Variants in CAB39L observed in about 807,000 individuals in gnomAD.
CAB39L encodes calcium binding protein 39 like.
CAB39L carries 23 observed loss-of-function variants against 39.1 expected under a neutral mutation model. That is an observed-to-expected ratio of 0.59 (90% CI 0.42 to 0.83). The LOEUF is 0.83. Among genes scored for constraint, CAB39L ranks in the 40% least tolerant of loss-of-function variants. The probability of loss-of-function intolerance (pLI) is 0.00; values close to 1 mark genes in which losing one functional copy is unlikely to be tolerated. For synonymous variants in CAB39L, 126 were observed against 137.2 expected, an observed-to-expected ratio of 0.92 and a Z score of 0.57; for missense variants, 366 against 391.9, an observed-to-expected ratio of 0.93 and a Z score of 0.56.
intron 10 of CAB39L, among the ~76,000 whole-genome samples, chr13:49,312,350 C>T (rs1424873631): frequency 1.3e-5 from 2 of 152,246 alleles, no homozygotes; most frequent in African/African-American, 4.8e-5. Context: ...AGAGCAACTG[C>T]CAGTCCTGTA....
intron 5 of CAB39L, among the ~76,000 whole-genome samples, chr13:49,371,694 C>A (rs1955922815): frequency 6.6e-6 from 1 of 151,898 alleles, no homozygotes; most frequent in African/African-American, 2.4e-5. Context: ...CCACCTGGGC[C>A]CAGGTGATTC....
intron 10 of CAB39L, among the ~76,000 whole-genome samples, chr13:49,317,305 G>A (rs1298620191): frequency 5.3e-5 from 8 of 152,108 alleles, no homozygotes; most frequent in African/African-American, 9.7e-5. Context: ...CGAGGTGGGC[G>A]AATCGCTTGA....
In CAB39L at chr13:49,406,229, G is replaced by A. The variant is rs559903264; in HGVS notation, c.-31-23288C>T. 8.0e-5 allele frequency among the ~76,000 whole-genome samples: 12 copies of A among 149,414 alleles called. No homozygotes were observed. The South Asian group carries it at 1.5e-3, about 19-fold the overall frequency. ...GTCACCCAGGCTGGAGTGCAGTGGC[G>A]TGATCTTGGCTCACTGCAAGCTCCG... is the stretch of plus-strand genomic sequence containing the variant. On this transcript the variant is annotated intron_variant, in intron 3 of 10. Coordinates refer to ENST00000409308, the MANE Select transcript of CAB39L (RefSeq NM_001079670.3).
chr13:49,389,396 T>C (rs539413864), intron 3 of CAB39L, among the ~76,000 whole-genome samples: 2 of 152,314 alleles, frequency 1.3e-5, no homozygotes, highest in African/African-American at 2.4e-5. Flanking sequence ...ATCCCAACAC[T>C]TTGGGAGGCC....
intron 10 of CAB39L, among the ~76,000 whole-genome samples, chr13:49,316,695 T>G (rs1254471591): frequency 6.6e-6 from 1 of 152,190 alleles, no homozygotes; most frequent in African/African-American, 2.4e-5. Flanking sequence ...ATGTAACACA[T>G]CACATGTACT....
chr13:49,329,544 AATATATATATATATATATATAT>A (rs1179579885), intron 10 of CAB39L, among the ~76,000 whole-genome samples: 57 of 33,804 alleles, frequency 1.7e-3, no homozygotes, highest in South Asian at 2.6e-3. Flanking sequence ...TAAAAAAAAA[AATATATATATATATATATATAT>A]ATATATATAT....
chr13:49,414,149 T>C (rs893487380), intron 3 of CAB39L: 32 of 152,226 alleles, frequency 2.1e-4, no homozygotes, highest in African/African-American at 7.7e-4. Flanking sequence ...TACTAAAAGA[T>C]TAACAATTTC....
At chr13:49,381,714 T>C (rs921448828) in intron 4 of CAB39L, among the ~76,000 whole-genome samples, 3 of 152,246 alleles carry the variant, frequency 2.0e-5, no homozygotes, top group Admixed American at 1.3e-4. Context: ...TATCACTTTC[T>C]AATGTTCCAC....
chr13:49,401,436 G>C (rs1010988360), intron 3 of CAB39L: 2 of 152,194 alleles, frequency 1.3e-5, no homozygotes, highest in African/African-American at 4.8e-5. Flanking sequence ...CTTGCTCTCA[G>C]ATTCCAAGCC....
At chr13:49,329,260 T>G (rs892760946) in intron 10 of CAB39L, among the ~76,000 whole-genome samples, 6 of 152,134 alleles carry the variant, frequency 3.9e-5, no homozygotes, top group Non-Finnish European at 8.8e-5. Context: ...AAAATTGCCA[T>G]AGATAATCCT....
At chr13:49,313,450 T>C (rs531984916) in intron 10 of CAB39L, among the ~76,000 whole-genome samples, 441 of 148,974 alleles carry the variant, frequency 3.0e-3, no homozygotes, top group Middle Eastern at 0.014. Flanking sequence ...CACTGCACTC[T>C]AGCCTGGGCA....
At chr13:49,419,268 A>G (rs1033547312) in intron 3 of CAB39L, among the ~76,000 whole-genome samples, 4 of 152,242 alleles carry the variant, frequency 2.6e-5, no homozygotes, top group Non-Finnish European at 5.9e-5. Context: ...CTTAGTCATC[A>G]AAATATTTTC....
chr13:49,411,767 G>A (rs1221803167), intron 3 of CAB39L, among the ~76,000 whole-genome samples: 1 of 152,054 alleles, frequency 6.6e-6, no homozygotes, highest in Non-Finnish European at 1.5e-5. Flanking sequence ...TTGAGCTAAG[G>A]AATCTGGGAT....
At position 49,340,475 on chromosome 13, in the gene CAB39L, C is replaced by T. The variant is rs1019698938; in HGVS notation, c.625-733G>A. 4.6e-5 allele frequency among the ~76,000 whole-genome samples: 7 copies of T among 152,210 alleles called. No homozygotes were observed. The South Asian group carries it at 6.2e-4, about 14-fold the overall frequency. ...CTCCTAGCCCTCGGAGAGTCAAGTGCGAGGGGAGAGTGTGTGCCGCTGTGT... is the reference window on the plus strand; with the variant it reads ...CTCCTAGCCCTCGGAGAGTCAAGTGTGAGGGGAGAGTGTGTGCCGCTGTGT... On this transcript the variant is annotated intron_variant, in intron 8 of 10. Coordinates refer to ENST00000409308, the MANE Select transcript of CAB39L (RefSeq NM_001079670.3).
chr13:49,415,937 T>C (rs1957078147), intron 3 of CAB39L, among the ~76,000 whole-genome samples: 1 of 152,238 alleles, frequency 6.6e-6, no homozygotes, highest in Admixed American at 6.5e-5. Context: ...GACTTTTAGA[T>C]GATGAGTGGG....
intron 10 of CAB39L, among the ~76,000 whole-genome samples, chr13:49,328,168 G>A (rs911647292): frequency 6.6e-6 from 1 of 152,148 alleles, no homozygotes; most frequent in African/African-American, 2.4e-5. Context: ...ACAGCTTCAA[G>A]AGTTTATTTT....
chr13:49,336,511 G>A (rs1954852323), intron 9 of CAB39L, among the ~76,000 whole-genome samples: 1 of 152,170 alleles, frequency 6.6e-6, no homozygotes, highest in African/African-American at 2.4e-5. Context: ...TAAGGCATCT[G>A]CAAATAAGTA....
intron 6 of CAB39L, among the ~76,000 whole-genome samples, chr13:49,351,410 A>G (rs1955352355): frequency 6.6e-6 from 1 of 152,104 alleles, no homozygotes; most frequent in African/African-American, 2.4e-5. Flanking sequence ...GGCGAAACAG[A>G]GAAGGAGGAA....
At chr13:49,403,497 A>G (rs1956816625) in intron 3 of CAB39L, among the ~76,000 whole-genome samples, 1 of 152,126 alleles carries the variant, frequency 6.6e-6, no homozygotes, top group African/African-American at 2.4e-5. Context: ...ATAAGGAGAA[A>G]ATCGATCATT....
Sources: allele counts gnomAD v4.1 joint callset (sites outside exome capture counted in the v4.1 genomes callset), GRCh38; gene constraint gnomAD v4.1.1; transcripts MANE v1.5; gene names NCBI Gene and HGNC (gene_info 2026-07-23, HGNC 2026-07-21).